The following SPAG16 variants were observed in gnomAD, a reference collection of about 807,000 sequenced individuals.
The protein encoded by SPAG16 is sperm associated antigen 16, also known as sperm-associated antigen 16 protein.
Under a neutral mutation model 80.4 loss-of-function variants are expected in SPAG16, and 86 were observed. The observed-to-expected ratio is 1.07, with a 90% confidence interval of 0.90 to 1.28. SPAG16 has a LOEUF of 1.28. Among genes scored for constraint, SPAG16 ranks in the 50% most tolerant of loss-of-function variants. SPAG16 has a pLI of 0.00. For synonymous variants in SPAG16, 294 were observed against 265.9 expected (o/e 1.11, Z -1.03); for missense variants, 870 against 765.3 (o/e 1.14, Z -1.61).
At chr2:213,975,048 G>C (rs2045294616) in intron 12 of SPAG16, among the ~76,000 whole-genome samples, 1 of 150,128 alleles carries the variant, frequency 6.7e-6, no homozygotes, top group African/African-American at 2.4e-5. Flanking sequence ...GTCCTCAATA[G>C]ATTAGATAAA....
At position 214,137,597 on chromosome 2, in the gene SPAG16, C is replaced by G. The variant is rs1001864166; in HGVS notation, c.1594-11543C>G. 6.6e-5 allele frequency among the ~76,000 whole-genome samples: 10 copies of G among 151,968 alleles called. No homozygotes were observed. The East Asian group carries it at 9.6e-4, about 15-fold the overall frequency. Reference sequence around the variant, plus strand: ...TATTTTTAAACTTTTGTGATATACTCTAGTAGTTTTGAGAAAATAAAATGT... The same window carrying G: ...TATTTTTAAACTTTTGTGATATACTGTAGTAGTTTTGAGAAAATAAAATGT... On this transcript the variant is annotated intron_variant, in intron 14 of 15. Transcript: ENST00000331683.
chr2:213,723,227 A>G (rs1016580186), intron 10 of SPAG16, among the ~76,000 whole-genome samples: 8 of 152,154 alleles, frequency 5.3e-5, no homozygotes, highest in African/African-American at 1.9e-4. Context: ...TCATCCAGTA[A>G]GTAGCCTGCC....
At chr2:213,813,233 C>T (rs1333460703) in intron 10 of SPAG16, among the ~76,000 whole-genome samples, 1 of 152,100 alleles carries the variant, frequency 6.6e-6, no homozygotes, top group Admixed American at 6.6e-5. Context: ...GCAGGGCACA[C>T]CTTTAGCAGA....
chr2:213,676,678 A>T (rs1040093486), intron 10 of SPAG16, among the ~76,000 whole-genome samples: 3 of 151,868 alleles, frequency 2.0e-5, no homozygotes, highest in African/African-American at 7.3e-5. Context: ...TATATGCTGG[A>T]TTACATTTAT....
chr2:213,871,363 T>C (rs4113955), intron 11 of SPAG16, among the ~76,000 whole-genome samples: 90,137 of 151,588 alleles, frequency 0.59, 28,666 homozygotes, highest in South Asian at 0.85. Flanking sequence ...TTACATCAAC[T>C]CAAGGAGCAC....
Position 214,010,971 on chromosome 2 carries a change from T to C in SPAG16, c.1401-2980T>C, listed in dbSNP as rs942415334. Among the ~76,000 whole-genome samples, 65 of 146,332 alleles carry C rather than the reference T, an allele frequency of 4.4e-4. 12 individuals carry two copies. Among genetic ancestry groups the C allele is most frequent in the African/African-American group, 1.7e-3 (63 of 37,448 alleles). ...TTAAAATAATATACTTTAATATTTTTCTTAATGTTATCTTTTAGATAGTGA... is the reference window on the plus strand; with the variant it reads ...TTAAAATAATATACTTTAATATTTTCCTTAATGTTATCTTTTAGATAGTGA... On this transcript the variant is annotated intron_variant, in intron 12 of 15. Transcript: ENST00000331683.
At chr2:214,022,519 A>G (rs1031039382) in intron 13 of SPAG16, among the ~76,000 whole-genome samples, 1 of 152,212 alleles carries the variant, frequency 6.6e-6, no homozygotes, top group African/African-American at 2.4e-5. Flanking sequence ...GAAAAGTGAC[A>G]GATGAGAACT....
At chr2:213,982,621 G>GTGTGTC (rs1331373392) in intron 12 of SPAG16, among the ~76,000 whole-genome samples, 10 of 150,976 alleles carry the variant, frequency 6.6e-5, no homozygotes, top group African/African-American at 2.2e-4. Context: ...GTGTGTGTGT[G>GTGTGTC]TGTGTGTGTG....
intron 10 of SPAG16, among the ~76,000 whole-genome samples, chr2:213,833,800 C>T (rs879544522): frequency 5.3e-5 from 8 of 149,924 alleles, no homozygotes; most frequent in Non-Finnish European, 1.2e-4. Context: ...GCCATTTCCT[C>T]TGTCTCTTCA....
intron 4 of SPAG16, 98 bp downstream of exon 4, chr2:213,310,275 G>T: frequency 2.0e-5 from 13 of 665,516 alleles, no homozygotes; most frequent in East Asian, 3.6e-5. Flanking sequence ...CTCAGCCTAT[G>T]AAAAATGACT....
chr2:213,360,411 T>G (rs868040947), intron 7 of SPAG16, among the ~76,000 whole-genome samples: 1 of 152,204 alleles, frequency 6.6e-6, no homozygotes, highest in Non-Finnish European at 1.5e-5. Flanking sequence ...CCCAAACTGC[T>G]AAGTGGCCAA....
intron 12 of SPAG16, among the ~76,000 whole-genome samples, chr2:213,959,268 T>G (rs2044296302): frequency 6.6e-6 from 1 of 152,232 alleles, no homozygotes; most frequent in South Asian, 2.1e-4. Flanking sequence ...GTCTTTGTAC[T>G]TCTCGGGTGT....
chr2:214,373,049 G>A (rs1174330398), intron 15 of SPAG16, among the ~76,000 whole-genome samples: 1 of 152,134 alleles, frequency 6.6e-6, no homozygotes, highest in African/African-American at 2.4e-5. Context: ...AAATCAGAGA[G>A]TATACCAAAG....
intron 13 of SPAG16, among the ~76,000 whole-genome samples, chr2:214,053,335 T>C (rs928765100): frequency 3.3e-5 from 5 of 152,176 alleles, no homozygotes; most frequent in African/African-American, 1.2e-4. Context: ...ATTCTTCAGT[T>C]ATAATTAGAA....
At chr2:213,635,406 C>T (rs2062324155) in intron 10 of SPAG16, among the ~76,000 whole-genome samples, 1 of 152,062 alleles carries the variant, frequency 6.6e-6, no homozygotes, top group South Asian at 2.1e-4. Flanking sequence ...CATTTAATGA[C>T]TTCTTTTCCT....
At chr2:213,847,325 G>A (rs1355885702) in intron 10 of SPAG16, among the ~76,000 whole-genome samples, 1 of 152,152 alleles carries the variant, frequency 6.6e-6, no homozygotes, top group Non-Finnish European at 1.5e-5. Context: ...GGTTTAATTG[G>A]TTCATTCTTC....
intron 10 of SPAG16, among the ~76,000 whole-genome samples, chr2:213,846,060 A>G (rs1168353834): frequency 2.0e-5 from 3 of 152,212 alleles, no homozygotes; most frequent in African/African-American, 7.2e-5. Context: ...TCAGTCAGAT[A>G]ATTTGAGATA....
rs529373428 is a variant in SPAG16, at chr2:213,504,769, A to G, written c.1070+14679A>G. 8.2e-4 allele frequency among the ~76,000 whole-genome samples: 125 copies of G among 152,356 alleles called. 5 individuals are homozygous for G. In the South Asian group the frequency reaches 0.015, roughly 18 times the overall value. The stretch of plus-strand genomic sequence containing the variant: ...AAAATGGGGAAAAAAGGGGAAGTTT[A>G]TAAAAGCTCCAAGCTATAATCAAGT... On this transcript the variant is annotated intron_variant, in intron 10 of 15. Transcript: ENST00000331683.
At chr2:213,975,134 G>T (rs1018834558) in intron 12 of SPAG16, among the ~76,000 whole-genome samples, 6 of 150,690 alleles carry the variant, frequency 4.0e-5, no homozygotes, top group African/African-American at 1.5e-4. Context: ...ATCTATCATA[G>T]GTCTGTAATA....
Sources: gnomAD v4.1 joint callset for allele counts (sites outside exome capture counted in the v4.1 genomes callset) on GRCh38, gnomAD v4.1.1 for gene constraint, MANE v1.5 for transcripts, NCBI Gene and HGNC (gene_info 2026-07-23, HGNC 2026-07-21) for gene names.